The following PBX3 variants were observed in gnomAD, a reference collection of about 807,000 sequenced individuals.
PBX3 encodes the protein pre-B-cell leukemia transcription factor 3.
PBX3 carries 14 observed loss-of-function variants against 48.5 expected under a neutral mutation model. That is an observed-to-expected ratio of 0.29 (90% CI 0.19 to 0.45). The LOEUF (loss-of-function observed/expected upper bound fraction) is 0.45. PBX3 is among the 20% of genes least tolerant of loss of function. The pLI is 1.00. For missense variants in PBX3, 386 were observed against 546.7 expected (o/e 0.71, Z 2.93); for synonymous variants, 210 against 200.3 (o/e 1.05, Z -0.41).
At chr9:125,941,337 T>C (rs1428359968) in intron 5 of PBX3, among the ~76,000 whole-genome samples, 1 of 152,188 alleles carries the variant, frequency 6.6e-6, no homozygotes, top group Non-Finnish European at 1.5e-5. Flanking sequence ...TCATGGGCCT[T>C]CTAGGCCATG....
chr9:125,790,634 T>G (rs1301526537), intron 2 of PBX3, among the ~76,000 whole-genome samples: 3 of 152,056 alleles, frequency 2.0e-5, no homozygotes, highest in Non-Finnish European at 2.9e-5. Flanking sequence ...AGTGGCACAA[T>G]AATAGGTTAT....
At position 125,747,384 on chromosome 9, in the gene PBX3, T is replaced by TCGCCGCCGC. The variant is rs756293477; in HGVS notation, c.-56_-48dup. On this transcript the variant is annotated 5_prime_UTR_variant, in exon 1 of 9. Coordinates refer to ENST00000373489, the MANE Select transcript of PBX3 (RefSeq NM_006195.6). ...TCCCCCTCTTTCTTCTCCTCCCTCGTCGCCGCCGCCGCCGCCGCCGCCTCA... is the reference window on the plus strand; with the variant it reads ...TCCCCCTCTTTCTTCTCCTCCCTCGTCGCCGCCGCCGCCGCCGCCGCCGCCGCCGCCTCA... The TCGCCGCCGC allele has an allele frequency of 6.2e-5, 37 of 600,168 alleles. No homozygotes were observed. Among genetic ancestry groups the TCGCCGCCGC allele is most frequent in the East Asian group, 9.4e-5 (1 of 10,612 alleles). 37.2% of individuals were successfully genotyped at this position (600,168 alleles called of 1,614,324 possible). A position where few individuals can be genotyped will look rare whatever the true frequency, so the allele number is the denominator to read the frequency against.
chr9:125,870,509 C>G (rs1313326009), intron 2 of PBX3, among the ~76,000 whole-genome samples: 1 of 152,178 alleles, frequency 6.6e-6, no homozygotes, highest in Non-Finnish European at 1.5e-5. Flanking sequence ...AAAACCCCAT[C>G]ACATCTCATG....
chr9:125,896,447 G>A (rs2132403361), intron 2 of PBX3, among the ~76,000 whole-genome samples: 1 of 152,116 alleles, frequency 6.6e-6, no homozygotes, highest in South Asian at 2.1e-4. Flanking sequence ...TCTACATAAA[G>A]TATATTTATT....
At chr9:125,942,021 GTA>G in intron 5 of PBX3, among the ~76,000 whole-genome samples, 1 of 152,166 alleles carries the variant, frequency 6.6e-6, no homozygotes, top group Non-Finnish European at 1.5e-5. Flanking sequence ...ACCAGAAATG[GTA>G]TTTATTCACT....
intron 2 of PBX3, among the ~76,000 whole-genome samples, chr9:125,792,656 G>T (rs1473390380): frequency 6.6e-6 from 1 of 151,814 alleles, no homozygotes; most frequent in Non-Finnish European, 1.5e-5. Context: ...ATTGGATGTG[G>T]ATAAATTTTA....
chr9:125,885,311 G>A (rs1027927960), intron 2 of PBX3, among the ~76,000 whole-genome samples: 2 of 151,986 alleles, frequency 1.3e-5, no homozygotes, highest in African/African-American at 4.8e-5. Context: ...AAATATTTAG[G>A]GCAATAGGCT....
At chr9:125,766,495 C>G (rs1446164649) in intron 2 of PBX3, among the ~76,000 whole-genome samples, 1 of 152,024 alleles carries the variant, frequency 6.6e-6, no homozygotes, top group Non-Finnish European at 1.5e-5. Flanking sequence ...AATAAGCACT[C>G]TGTTTTCTAG....
At chr9:125,943,138 G>A (rs150317411) in intron 5 of PBX3, among the ~76,000 whole-genome samples, 3,070 of 151,904 alleles carry the variant, frequency 0.02, 175 homozygotes, top group East Asian at 0.17. Context: ...AGGCTGAGGC[G>A]GGTGGATCGC....
At chr9:125,829,704 A>G (rs1456121951) in intron 2 of PBX3, among the ~76,000 whole-genome samples, 1 of 152,144 alleles carries the variant, frequency 6.6e-6, no homozygotes, top group Non-Finnish European at 1.5e-5. Flanking sequence ...AAGCAGTAAT[A>G]TTTTAGTGTT....
At chr9:125,914,625 A>G in intron 2 of PBX3, among the ~76,000 whole-genome samples, 1 of 152,256 alleles carries the variant, frequency 6.6e-6, no homozygotes, top group East Asian at 1.9e-4. Context: ...AAGAGAATCC[A>G]AATACAAACA....
At chr9:125,837,188 C>G (rs1839161940) in intron 2 of PBX3, among the ~76,000 whole-genome samples, 1 of 151,984 alleles carries the variant, frequency 6.6e-6, no homozygotes, top group Non-Finnish European at 1.5e-5. Context: ...ACTATGCAGC[C>G]TGTCAAAGAG....
intron 2 of PBX3, among the ~76,000 whole-genome samples, chr9:125,804,757 C>T (rs930151996): frequency 6.6e-6 from 1 of 151,942 alleles, no homozygotes; most frequent in Non-Finnish European, 1.5e-5. Context: ...TGGAGCCTAG[C>T]CAACATGGTG....
At chr9:125,841,753 A>G (rs552638907) in intron 2 of PBX3, among the ~76,000 whole-genome samples, 1 of 152,294 alleles carries the variant, frequency 6.6e-6, no homozygotes, top group Non-Finnish European at 1.5e-5. Flanking sequence ...AGAATTGATT[A>G]TCTTGGTTAA....
At chr9:125,926,662 CAA>C in intron 3 of PBX3, among the ~76,000 whole-genome samples, 1 of 149,498 alleles carries the variant, frequency 6.7e-6, no homozygotes, top group East Asian at 2.0e-4. Flanking sequence ...ACTAAAAATA[CAA>C]AAAAAATTAC....
chr9:125,795,339 T>C (rs2132077517), intron 2 of PBX3, among the ~76,000 whole-genome samples: 1 of 152,368 alleles, frequency 6.6e-6, no homozygotes, highest in African/African-American at 2.4e-5. Flanking sequence ...CTAGCTGGTA[T>C]ATCTTTTTAC....
At chr9:125,883,483 T>G (rs1202927618) in intron 2 of PBX3, among the ~76,000 whole-genome samples, 1 of 152,204 alleles carries the variant, frequency 6.6e-6, no homozygotes, top group East Asian at 1.9e-4. Context: ...GTAACCTTCT[T>G]TATAAGGAAC....
At chr9:125,960,641 C>T (rs1842408037) in intron 5 of PBX3, 43 bp from the exon 6 acceptor site, 2 of 1,593,254 alleles carry the variant, frequency 1.3e-6, no homozygotes, top group Non-Finnish European at 1.7e-6. Context: ...TTGATTACTT[C>T]TTCCTCTCTT....
chr9:125,916,762 T>G (rs1386889740), intron 3 of PBX3, among the ~76,000 whole-genome samples: 1 of 152,230 alleles, frequency 6.6e-6, no homozygotes, highest in African/African-American at 2.4e-5. Context: ...ATATTTTAGT[T>G]GTTAGTTTAA....
Sources: allele counts gnomAD v4.1 joint callset (sites outside exome capture counted in the v4.1 genomes callset), GRCh38; gene constraint gnomAD v4.1.1; transcripts MANE v1.5; gene names NCBI Gene and HGNC (gene_info 2026-07-23, HGNC 2026-07-21).